The following DOCK10 variants were observed in gnomAD, a reference collection of about 807,000 sequenced individuals.
DOCK10 encodes the protein dedicator of cytokinesis protein 10.
A neutral mutation model predicts 280.1 loss-of-function variants in DOCK10; 145 were observed. The ratio of observed to expected loss-of-function variants is 0.52; its 90% CI spans 0.45 to 0.59. The LOEUF is 0.59. Among genes scored for constraint, DOCK10 ranks in the 20% least tolerant of loss-of-function variants. The pLI, the probability that DOCK10 is intolerant of heterozygous loss-of-function variation, is 0.00. For missense variants in DOCK10, 2,368 were observed against 2,651.7 expected (o/e 0.89, Z 2.35); for synonymous variants, 915 against 942.2 (o/e 0.97, Z 0.53).
At chr2:224,807,145 CT>C (rs1449785180) in intron 33 of DOCK10, 1 of 152,376 alleles carries the variant, frequency 6.6e-6, no homozygotes, top group Admixed American at 6.5e-5. Flanking sequence ...CTCCTAACTC[CT>C]AGATGGTAAT....
At chr2:224,946,436 G>A in intron 1 of DOCK10, among the ~76,000 whole-genome samples, 1 of 152,072 alleles carries the variant, frequency 6.6e-6, no homozygotes, top group East Asian at 1.9e-4. Flanking sequence ...AGTGGCATAT[G>A]ATAAAATAGA....
Position 224,849,599 on chromosome 2 carries a change from A to C in DOCK10, c.2143T>G (p.Cys715Gly), listed in dbSNP as rs746708885. Residue 715 changes from cysteine to glycine, a missense_variant and splice_region_variant, in exon 19 of 56, where the codon TGT (cysteine) becomes GGT (glycine). Physicochemically the swap from Cys to Gly is radical, Grantham distance 159. Transcript: ENST00000258390. ...SDEESAKPLK[C>G]IYGKPGGPLF... ...GGCCCTCCAGGTTTTCCATAAATAC[A>C]CTGTTTGAAAAGTTATGAGTTGAAC... The C allele has an allele frequency of 1.3e-6, 2 of 1,594,574 alleles. No individual in the cohort carries two copies. The highest frequency in any genetic ancestry group is 8.6e-7 in the Non-Finnish European group (1 of 1,168,588).
chr2:224,769,886 G>A (rs1399988694), intron 55 of DOCK10, among the ~76,000 whole-genome samples: 3 of 152,162 alleles, frequency 2.0e-5, no homozygotes, highest in Non-Finnish European at 2.9e-5. Flanking sequence ...TAGGGATGGC[G>A]GAGGGTGGCA....
intron 27 of DOCK10, among the ~76,000 whole-genome samples, chr2:224,824,616 T>C (rs928375208): frequency 1.3e-5 from 2 of 151,842 alleles, no homozygotes; most frequent in African/African-American, 4.8e-5. Flanking sequence ...TAATTTTTAG[T>C]AGTGACAGGG....
intron 26 of DOCK10, among the ~76,000 whole-genome samples, chr2:224,831,961 A>G (rs2125402011): frequency 6.6e-6 from 1 of 152,134 alleles, no homozygotes; most frequent in Non-Finnish European, 1.5e-5. Context: ...CTCCTCTTAA[A>G]CCTTGGCCTG....
chr2:224,889,844 C>A (rs1219296719), intron 4 of DOCK10, among the ~76,000 whole-genome samples: 2 of 152,166 alleles, frequency 1.3e-5, no homozygotes, highest in African/African-American at 4.8e-5. Context: ...TAAATACAAC[C>A]CTTCCCTCTC....
intron 3 of DOCK10, among the ~76,000 whole-genome samples, chr2:224,898,814 A>T (rs1055902636): frequency 3.3e-5 from 5 of 152,296 alleles, no homozygotes; most frequent in Admixed American, 6.5e-5. Flanking sequence ...TGACCTCGTG[A>T]TCCGCCTGCC....
At position 224,856,905 on chromosome 2, in the gene DOCK10, T is replaced by C. The variant is rs1697186287; in HGVS notation, c.1763A>G (p.Lys588Arg). ...TTTAACTAGGTCCTCAGTTGAAATC[T>C]TGCTACTTTCTTGTCTAAACAATGG... ...FSPLFRQESSKISTEDLVKLV... is the reference protein window; with the variant it reads ...FSPLFRQESSRISTEDLVKLV... Residue 588 changes from lysine to arginine, a missense_variant, in exon 15 of 56, where the codon AAG becomes AGG. Lys to Arg is a conservative substitution (Grantham distance 26, BLOSUM62 2). This residue lies in a region of DOCK10 where 1,209 missense variants were observed against 1,250.9 expected (regional missense o/e 0.97). Coordinates refer to ENST00000258390, the MANE Select transcript of DOCK10 (RefSeq NM_014689.3). 1 of 1,612,672 alleles carries C rather than the reference T, an allele frequency of 6.2e-7. No individual in the cohort carries two copies. The highest frequency in any genetic ancestry group is 8.5e-7 in the Non-Finnish European group (1 of 1,179,078).
intron 1 of DOCK10, among the ~76,000 whole-genome samples, chr2:224,957,289 C>CCT (rs534733640): frequency 2.1e-5 from 3 of 146,266 alleles, no homozygotes; most frequent in Non-Finnish European, 4.5e-5. Flanking sequence ...CTTTCCGCCC[C>CCT]CCCCCGGCTT....
At chr2:224,836,841 C>G (rs531382361) in intron 25 of DOCK10, among the ~76,000 whole-genome samples, 1 of 152,004 alleles carries the variant, frequency 6.6e-6, no homozygotes, top group Non-Finnish European at 1.5e-5. Context: ...CCTCGTGATC[C>G]GCCCGCCTCG....
At chr2:224,888,772 ATG>A (rs1312702963) in intron 4 of DOCK10, among the ~76,000 whole-genome samples, 40 of 150,596 alleles carry the variant, frequency 2.7e-4, no homozygotes, top group African/African-American at 8.9e-4. Flanking sequence ...ATGTGTATGT[ATG>A]TGTGTGAATA....
intron 1 of DOCK10, among the ~76,000 whole-genome samples, chr2:225,030,590 C>T (rs1690048710): frequency 2.0e-5 from 3 of 152,148 alleles, no homozygotes; most frequent in South Asian, 2.1e-4. Context: ...CAGGCGCCCA[C>T]GAGGACAGGG....
chr2:224,927,245 A>G (rs888586443), intron 2 of DOCK10, among the ~76,000 whole-genome samples: 30 of 152,134 alleles, frequency 2.0e-4, no homozygotes, highest in African/African-American at 7.2e-4. Context: ...TGACTGAGGA[A>G]AGTAGGCTAG....
intron 1 of DOCK10, among the ~76,000 whole-genome samples, chr2:224,986,781 C>G (rs1705985795): frequency 6.6e-6 from 1 of 152,180 alleles, no homozygotes; most frequent in South Asian, 2.1e-4. Flanking sequence ...AGATGAGTTT[C>G]TATTGTTTAA....
At chr2:224,877,847 G>C (rs1277521273) in intron 7 of DOCK10, among the ~76,000 whole-genome samples, 11 of 152,182 alleles carry the variant, frequency 7.2e-5, no homozygotes, top group African/African-American at 2.2e-4. Flanking sequence ...TGTTATTTAA[G>C]GGGGTGGTTG....
intron 18 of DOCK10, among the ~76,000 whole-genome samples, chr2:224,851,182 C>T (rs1696703416): frequency 6.6e-6 from 1 of 152,134 alleles, no homozygotes; most frequent in Non-Finnish European, 1.5e-5. Flanking sequence ...AAGCTCAGGA[C>T]CCCTCTTCTG....
chr2:224,789,471 A>G (rs966274635), intron 47 of DOCK10, among the ~76,000 whole-genome samples: 14 of 152,284 alleles, frequency 9.2e-5, no homozygotes, highest in Admixed American at 2.0e-4. Context: ...AATCTCGGAG[A>G]CTGTGTCCCT....
chr2:224,776,168 G>T (rs1690848975), intron 51 of DOCK10, among the ~76,000 whole-genome samples: 2 of 152,094 alleles, frequency 1.3e-5, no homozygotes, highest in African/African-American at 2.4e-5. Flanking sequence ...AAACCTCAAA[G>T]AATTTTAAAA....
At chr2:224,933,033 A>G (rs901415860) in intron 1 of DOCK10, among the ~76,000 whole-genome samples, 1 of 152,206 alleles carries the variant, frequency 6.6e-6, no homozygotes, top group Admixed American at 6.5e-5. Flanking sequence ...TGCCAGGTGA[A>G]TATTCTGTCT....
Sources: allele counts gnomAD v4.1 joint callset (sites outside exome capture counted in the v4.1 genomes callset), GRCh38; gene constraint gnomAD v4.1.1; regional missense constraint gnomAD v4.1.1; transcripts MANE v1.5; gene names NCBI Gene and HGNC (gene_info 2026-07-23, HGNC 2026-07-21).